The following ZNF277 variants were observed in gnomAD, a reference collection of about 807,000 sequenced individuals.
ZNF277 encodes the protein nuclear receptor-interacting factor 4.
A neutral mutation model predicts 60.7 loss-of-function variants in ZNF277; 55 were observed. The ratio of observed to expected loss-of-function variants is 0.91; its 90% confidence interval spans 0.73 to 1.13. The LOEUF (loss-of-function observed/expected upper bound fraction) is 1.13, where lower values mean the gene tolerates loss of function less well. Ranked by LOEUF, ZNF277 falls within the 50% of genes most tolerant of loss-of-function variation. The pLI, the probability that ZNF277 is intolerant of heterozygous loss-of-function variation, is 0.00. For synonymous variants in ZNF277, 178 were observed against 179.3 expected (o/e 0.99, Z 0.06); for missense variants, 510 against 523.0 (o/e 0.98, Z 0.24).
At chr7:112,319,748 A>C (rs1792934017) in intron 5 of ZNF277, among the ~76,000 whole-genome samples, 1 of 150,898 alleles carries the variant, frequency 6.6e-6, no homozygotes, top group South Asian at 2.1e-4. Flanking sequence ...TTAATGTTCA[A>C]AACACCAGTG....
chr7:112,225,385 A>G (rs892480554), intron 1 of ZNF277, among the ~76,000 whole-genome samples: 2 of 152,244 alleles, frequency 1.3e-5, no homozygotes, highest in African/African-American at 2.4e-5. Flanking sequence ...ATTCTCAAGT[A>G]TAAAGTAATA....
intron 7 of ZNF277, among the ~76,000 whole-genome samples, chr7:112,332,540 C>T (rs1312959195): frequency 1.3e-5 from 2 of 152,078 alleles, no homozygotes; most frequent in East Asian, 3.9e-4. Flanking sequence ...CCCACCCTTG[C>T]CTATTCTCTT....
chr7:112,245,242 T>C (rs940829887), intron 1 of ZNF277, among the ~76,000 whole-genome samples: 5 of 152,138 alleles, frequency 3.3e-5, no homozygotes, highest in African/African-American at 1.2e-4. Flanking sequence ...CTTAAGACAG[T>C]GACAGCAGTC....
chr7:112,318,197 C>A lies in ZNF277; in HGVS notation c.481C>A (p.Gln161Lys). 1 of 1,612,766 alleles carries A rather than the reference C, an allele frequency of 6.2e-7. No individual in the cohort carries two copies. Among genetic ancestry groups the A allele is most frequent in the Non-Finnish European group, 8.5e-7 (1 of 1,178,930 alleles). The change falls in exon 5 of 12, where the codon CAA (glutamine) becomes AAA (lysine). Residue 161 changes from glutamine (Q) to lysine (K), a missense_variant. Physicochemically the swap from Gln to Lys is moderately conservative, Grantham distance 53. Coordinates refer to ENST00000361822, the MANE Select transcript of ZNF277 (RefSeq NM_021994.3). ...QKQRLREILEQQQQERNDTNF... is the reference protein window; with the variant it reads ...QKQRLREILEKQQQERNDTNF... Reference sequence around the variant, plus strand: ...TACTTTCCAGAGAGAAATTCTGGAACAACAGCAGCAAGAACGAAATGATAC... The same window carrying A: ...TACTTTCCAGAGAGAAATTCTGGAAAAACAGCAGCAAGAACGAAATGATAC...
chr7:112,212,413 C>T (rs1314745597), intron 1 of ZNF277, among the ~76,000 whole-genome samples: 2 of 152,168 alleles, frequency 1.3e-5, no homozygotes, highest in East Asian at 3.8e-4. Context: ...CATTTAAAAG[C>T]TGTGTAACAT....
chr7:112,231,607 T>A (rs1822332960), intron 1 of ZNF277, among the ~76,000 whole-genome samples: 1 of 151,616 alleles, frequency 6.6e-6, no homozygotes, highest in South Asian at 2.1e-4. Flanking sequence ...CATCTCCCCA[T>A]CCTCCCTTTT....
intron 1 of ZNF277, among the ~76,000 whole-genome samples, chr7:112,267,226 A>C (rs1791569030): frequency 1.3e-5 from 2 of 152,216 alleles, no homozygotes; most frequent in African/African-American, 4.8e-5. Flanking sequence ...GGATATGTTA[A>C]ATAGAATTAT....
intron 4 of ZNF277, among the ~76,000 whole-genome samples, chr7:112,302,740 T>G (rs1460092288): frequency 6.6e-6 from 1 of 151,980 alleles, no homozygotes; most frequent in African/African-American, 2.4e-5. Context: ...ACTGGTTGAG[T>G]GAGATCAGGC....
chr7:112,286,841 C>CTTTTTTTTTCTTTT, intron 1 of ZNF277, 32 bp from the exon 2 acceptor site: 1 of 947,882 alleles, frequency 1.1e-6, no homozygotes, highest in Non-Finnish European at 1.4e-6. Flanking sequence ...TTCTTTCTTT[C>CTTTTTTTTTCTTTT]TTTTTTTTTT....
chr7:112,213,521 C>G (rs1388543310), intron 1 of ZNF277, among the ~76,000 whole-genome samples: 3 of 152,160 alleles, frequency 2.0e-5, no homozygotes. Context: ...TTTTTGAGCA[C>G]TAACTGTGCC....
chr7:112,312,483 G>C (rs554470677), intron 4 of ZNF277, among the ~76,000 whole-genome samples: 2 of 152,202 alleles, frequency 1.3e-5, no homozygotes, highest in Admixed American at 1.3e-4. Flanking sequence ...ATACATAGGG[G>C]AATGTCCTTA....
chr7:112,294,200 G>A (rs1368062057), intron 2 of ZNF277, among the ~76,000 whole-genome samples: 1 of 152,130 alleles, frequency 6.6e-6, no homozygotes, highest in East Asian at 1.9e-4. Flanking sequence ...CTCTACCATG[G>A]GGTGGTGGGG....
Position 112,311,257 on chromosome 7 carries a change from A to G in ZNF277, c.466-6925A>G, listed in dbSNP as rs1792726378. ...TATGAATAAAGATGAAAGACTAGGC[A>G]TTGACCCCTTTGCTGTCACACTTGA... is the stretch of plus-strand genomic sequence containing the variant. On this transcript the variant is annotated intron_variant, in intron 4 of 11. Coordinates refer to ENST00000361822, the MANE Select transcript of ZNF277 (RefSeq NM_021994.3). 3.9e-5 allele frequency among the ~76,000 whole-genome samples: 6 copies of G among 152,154 alleles called. No individual in the cohort carries two copies. In the South Asian group the frequency reaches 1.2e-3, roughly 32 times the overall value.
At chr7:112,326,846 A>G (rs192998756) in intron 5 of ZNF277, among the ~76,000 whole-genome samples, 88 of 152,302 alleles carry the variant, frequency 5.8e-4, no homozygotes, top group Admixed American at 1.6e-3. Context: ...CTCCAAAACA[A>G]TCACCTTTAT....
chr7:112,312,600 G>T (rs534172645), intron 4 of ZNF277, among the ~76,000 whole-genome samples: 3 of 152,014 alleles, frequency 2.0e-5, no homozygotes, highest in Non-Finnish European at 4.4e-5. Flanking sequence ...ACAAATGTAC[G>T]CGTGCATGTG....
chr7:112,271,561 C>A (rs913779471), intron 1 of ZNF277, among the ~76,000 whole-genome samples: 12 of 152,162 alleles, frequency 7.9e-5, no homozygotes, highest in Non-Finnish European at 1.6e-4. Context: ...CTTATAACTA[C>A]ATTTTTTAAA....
chr7:112,229,923 G>T (rs1481909021), intron 1 of ZNF277, among the ~76,000 whole-genome samples: 1 of 152,120 alleles, frequency 6.6e-6, no homozygotes, highest in Admixed American at 6.5e-5. Flanking sequence ...AGAATGAGGT[G>T]CTTGAGGAAG....
chr7:112,322,134 T>A (rs897463160), intron 5 of ZNF277, among the ~76,000 whole-genome samples: 3 of 152,144 alleles, frequency 2.0e-5, no homozygotes. Context: ...TTTTCTTGGA[T>A]TAATTCTCTT....
intron 5 of ZNF277, among the ~76,000 whole-genome samples, chr7:112,322,745 T>C (rs1793011900): frequency 6.6e-6 from 1 of 152,140 alleles, no homozygotes; most frequent in Non-Finnish European, 1.5e-5. Flanking sequence ...GTTTCTGCTT[T>C]CTTCCCCCAT....
Sources: allele counts gnomAD v4.1 joint callset (sites outside exome capture counted in the v4.1 genomes callset), GRCh38; gene constraint gnomAD v4.1.1; transcripts MANE v1.5; gene names NCBI Gene and HGNC (gene_info 2026-07-23, HGNC 2026-07-21).